The following DUXA variants were observed in gnomAD, a reference collection of about 807,000 sequenced individuals.
DUXA encodes the protein double homeobox protein A.
Under a neutral mutation model 27.5 loss-of-function variants are expected in DUXA, and 25 were observed. That is an observed-to-expected ratio of 0.91 (90% CI 0.66 to 1.27). DUXA has a LOEUF of 1.27. Ranked by LOEUF, DUXA falls within the 50% of genes most tolerant of loss-of-function variation. The pLI is 0.00. For missense variants in DUXA, 247 were observed against 242.9 expected (o/e 1.02, Z -0.11); for synonymous variants, 90 against 80.5 (o/e 1.12, Z -0.63).
At chr19:57,166,519 A>G (rs984052282) in intron 1 of DUXA, among the ~76,000 whole-genome samples, 4 of 152,186 alleles carry the variant, frequency 2.6e-5, no homozygotes, top group Admixed American at 6.5e-5. Flanking sequence ...CATGTTAGCC[A>G]GGCTGGTCTT....
At chr19:57,156,019 A>G (rs1957210184) in intron 4 of DUXA, among the ~76,000 whole-genome samples, 1 of 152,190 alleles carries the variant, frequency 6.6e-6, no homozygotes, top group East Asian at 1.9e-4. Context: ...AGGCCTAAAG[A>G]GAACACCCAA....
At chr19:57,154,627 G>T (rs560585653) in intron 5 of DUXA, 145 bp from the exon 6 acceptor site, 2 of 572,090 alleles carry the variant, frequency 3.5e-6, no homozygotes, top group Admixed American at 3.0e-5. Context: ...GCGGTGGCGC[G>T]ATCTCGGCTC....
chr19:57,159,301 G>A (rs372626579), intron 2 of DUXA, 23 bp from the exon 3 acceptor site: 11 of 1,603,036 alleles, frequency 6.9e-6, no homozygotes, highest in Non-Finnish European at 9.4e-6. Context: ...AAGAAAAGGA[G>A]AGAATTACGT....
Position 57,157,132 on chromosome 19 carries a change from G to A in DUXA, c.438+1196C>T, listed in dbSNP as rs116197793. 2.3e-3 allele frequency among the ~76,000 whole-genome samples: 353 copies of A among 152,272 alleles called. 2 individuals carry two copies. The highest frequency in any genetic ancestry group is 8.1e-3 in the African/African-American group (335 of 41,554). On this transcript the variant is annotated intron_variant, in intron 4 of 5. Transcript: ENST00000554048. ...ACAGAATGAAAAATGAACACGAGAC[G>A]AGGAAAGTAAAACGAAAGAACCATC... is the stretch of plus-strand genomic sequence containing the variant.
intron 1 of DUXA, among the ~76,000 whole-genome samples, chr19:57,165,316 AAAAAAAAAATATAT>A (rs2087046035): frequency 1.1e-5 from 1 of 92,070 alleles, no homozygotes; most frequent in African/African-American, 3.8e-5. Context: ...TAGGAAAAAA[AAAAAAAAAATATAT>A]ATATATATAT....
chr19:57,164,465 C>T (rs1391765353), intron 1 of DUXA, among the ~76,000 whole-genome samples: 1 of 152,098 alleles, frequency 6.6e-6, no homozygotes, highest in Non-Finnish European at 1.5e-5. Context: ...ATCCCAGCAA[C>T]TTGGGAGGCT....
chr19:57,160,823 G>C, intron 1 of DUXA, 26 bp from the exon 2 acceptor site: 1 of 1,611,516 alleles, frequency 6.2e-7, no homozygotes, highest in Non-Finnish European at 8.5e-7. Context: ...AAAAGAAGAA[G>C]CATGTAATAG....
chr19:57,165,324 A>ATATATATATATATAT (rs1555759590), intron 1 of DUXA, among the ~76,000 whole-genome samples: 129 of 89,188 alleles, frequency 1.4e-3, no homozygotes, highest in Non-Finnish European at 1.9e-3. Context: ...AAAAAAAAAA[A>ATATATATATATATAT]ATATATATAT....
intron 2 of DUXA, among the ~76,000 whole-genome samples, chr19:57,159,790 A>G (rs985680872): frequency 1.3e-5 from 2 of 151,752 alleles, no homozygotes; most frequent in South Asian, 4.2e-4. Flanking sequence ...TCTACTAAAA[A>G]CAAAAAAGTT....
chr19:57,161,411 C>G (rs188585220), intron 1 of DUXA, among the ~76,000 whole-genome samples: 1,540 of 146,566 alleles, frequency 0.011, 49 homozygotes, highest in African/African-American at 0.037. Context: ...ATCACAAGGT[C>G]AGGAGATCGA....
chr19:57,160,847 C>T lies in DUXA; in HGVS notation c.26-50G>A. 10 of 1,597,834 alleles carry T rather than the reference C, an allele frequency of 6.3e-6. No homozygotes were observed. In the Middle Eastern group the frequency reaches 1.7e-3, roughly 267 times the overall value. ...AGCATGTAATAGGTTAATTTATATA[C>T]TCAAACTTCAGGTTCAAGCTAGTCT... On this transcript the variant is annotated intron_variant, in intron 1 of 5. Transcript: ENST00000554048.
intron 3 of DUXA, 30 bp from the exon 4 acceptor site, chr19:57,158,503 G>T: frequency 1.9e-6 from 3 of 1,606,912 alleles, no homozygotes; most frequent in Non-Finnish European, 2.6e-6. Flanking sequence ...ATGGAGGGGG[G>T]CGGTCAAGGA....
At chr19:57,157,929 G>A (rs28405619) in intron 4 of DUXA, among the ~76,000 whole-genome samples, 62,981 of 151,476 alleles carry the variant, frequency 0.42, 14,622 homozygotes, top group Non-Finnish European at 0.53. Context: ...AGGAGGTCGA[G>A]GTGGCAGTGA....
At chr19:57,160,573 T>C (rs990128092) in intron 2 of DUXA, 70 bp downstream of exon 2, 67 of 1,561,766 alleles carry the variant, frequency 4.3e-5, no homozygotes, top group Non-Finnish European at 5.6e-5. Context: ...GTACATAGTA[T>C]GGGCTCCGTT....
At chr19:57,157,807 A>G (rs1433219799) in intron 4 of DUXA, among the ~76,000 whole-genome samples, 3 of 152,040 alleles carry the variant, frequency 2.0e-5, no homozygotes, top group Non-Finnish European at 4.4e-5. Context: ...ACTGGGCAAC[A>G]TGGCGAAACC....
intron 2 of DUXA, among the ~76,000 whole-genome samples, chr19:57,159,692 C>T (rs1012876130): frequency 1.6e-4 from 24 of 151,582 alleles, no homozygotes; most frequent in Admixed American, 4.0e-4. Flanking sequence ...GGATTATAAG[C>T]ATGACCTACC....
intron 1 of DUXA, among the ~76,000 whole-genome samples, chr19:57,161,818 C>T (rs1159935680): frequency 6.6e-6 from 1 of 151,950 alleles, no homozygotes; most frequent in African/African-American, 2.4e-5. Flanking sequence ...ATACAAGGAC[C>T]ATTTCAACCC....
Position 57,166,228 on chromosome 19 carries a change from C to T in DUXA, c.25+1191G>A, listed in dbSNP as rs559860905. ...AGGTCACAGACCATACCAAGCGCCA[C>T]GTTATCTAGGGCACGATAGGGCCAA... On this transcript the variant is annotated intron_variant, in intron 1 of 5. Coordinates refer to ENST00000554048, the MANE Select transcript of DUXA (RefSeq NM_001012729.2). Among the ~76,000 whole-genome samples, 147 of 152,206 alleles carry T rather than the reference C, an allele frequency of 9.7e-4. 2 individuals carry two copies. The highest frequency in any genetic ancestry group is 1.8e-3 in the Non-Finnish European group (122 of 68,020).
Position 57,158,474 on chromosome 19 carries a change from C to T in DUXA, c.293-1G>A. 6.2e-7 allele frequency: 1 copy of T among 1,611,360 alleles called. No individual in the cohort carries two copies. The highest frequency in any genetic ancestry group is 8.5e-7 in the Non-Finnish European group (1 of 1,177,814). ...GTACGACACCGTCTGGCTTCTCTAC[C>T]TAGGGAAGGCATGGAAAGATGGAGG... On this transcript the variant is annotated splice_acceptor_variant, in intron 3 of 5. Transcript: ENST00000554048. LOFTEE classifies it high-confidence loss of function.
Sources: gnomAD v4.1 joint callset for allele counts (sites outside exome capture counted in the v4.1 genomes callset) on GRCh38, gnomAD v4.1.1 for gene constraint, MANE v1.5 for transcripts, NCBI Gene and HGNC (gene_info 2026-07-23, HGNC 2026-07-21) for gene names.